The following GGPS1 variants were observed in gnomAD, a reference collection of about 807,000 sequenced individuals.
GGPS1 encodes geranylgeranyl diphosphate synthase 1, also known as geranylgeranyl pyrophosphate synthase.
In GGPS1, 15 loss-of-function variants were observed where a neutral mutation model predicts 28.1. That is an observed-to-expected ratio of 0.53 (90% CI 0.36 to 0.82). The LOEUF (loss-of-function observed/expected upper bound fraction) is 0.82, where lower values mean the gene tolerates loss of function less well. GGPS1 is among the 40% of genes least tolerant of loss of function. The probability of loss-of-function intolerance (pLI) is 0.01; values close to 1 mark genes in which losing one functional copy is unlikely to be tolerated. For missense variants in GGPS1, 284 were observed against 348.3 expected, an observed-to-expected ratio of 0.82 and a Z score of 1.47; for synonymous variants, 138 against 122.4, an observed-to-expected ratio of 1.13 and a Z score of -0.84.
intron 1 of GGPS1, among the ~76,000 whole-genome samples, chr1:235,333,329 G>A (rs1265928070): frequency 6.6e-6 from 1 of 152,006 alleles, no homozygotes; most frequent in Non-Finnish European, 1.5e-5. Context: ...CACTTTGGGA[G>A]GCTGAGGCGG....
rs1351445816 is a variant in GGPS1 at position 235,342,546 on chromosome 1, A to C, written c.677A>C (p.Glu226Ala). The C allele has an allele frequency of 1.2e-6, 2 of 1,612,662 alleles. No individual in the cohort carries two copies. Among genetic ancestry groups the C allele is most frequent in the African/African-American group, 2.7e-5 (2 of 75,044 alleles). The change falls in exon 4 of 4, where the codon GAA becomes GCA. Residue 226 changes from glutamate to alanine, a missense_variant. Physicochemically the swap from Glu to Ala is moderately radical, Grantham distance 107 (BLOSUM62 -1). Transcript: ENST00000282841. ...ATTCATGCTATTTGGTCAAGGCCTG[A>C]AAGCACCCAGGTGCAGAATATCTTG... ...PTIHAIWSRP[E>A]STQVQNILRQ... is the part of the protein sequence containing the mutation.
chr1:235,339,983 T>G (rs1675983156), intron 2 of GGPS1, among the ~76,000 whole-genome samples: 1 of 151,756 alleles, frequency 6.6e-6, no homozygotes, highest in African/African-American at 2.4e-5. Context: ...CTATCTTAAA[T>G]TAGCCACGCA....
rs1676130713 is a variant in GGPS1, at chr1:235,343,875, T to C, written c.*1103T>C. ...TCTTAAAAGGGTTGTTTTCTTACCT[T>C]AAGTACAAAAGCATGGAAAAATGCG... is the stretch of plus-strand genomic sequence containing the variant. On this transcript the variant is annotated 3_prime_UTR_variant, in exon 4 of 4. Transcript: ENST00000282841. 1 of 166,908 alleles carries C rather than the reference T, an allele frequency of 6.0e-6. No individual in the cohort carries two copies. Among genetic ancestry groups the C allele is most frequent in the African/African-American group, 2.4e-5 (1 of 41,370 alleles). 10.3% of individuals were successfully genotyped at this position (166,908 alleles called of 1,614,324 possible).
intron 1 of GGPS1, among the ~76,000 whole-genome samples, chr1:235,331,997 A>T (rs191123822): frequency 6.6e-6 from 1 of 152,346 alleles, no homozygotes; most frequent in East Asian, 1.9e-4. Context: ...CAGCACTTCT[A>T]CACTCGTAAT....
intron 2 of GGPS1, among the ~76,000 whole-genome samples, chr1:235,336,066 G>A (rs988978365): frequency 5.9e-5 from 9 of 152,172 alleles, no homozygotes; most frequent in African/African-American, 1.9e-4. Context: ...TCACGTGTAC[G>A]TGTGTGTTTT....
chr1:235,332,266 A>G (rs1297617654), intron 1 of GGPS1, among the ~76,000 whole-genome samples: 1 of 152,118 alleles, frequency 6.6e-6, no homozygotes, highest in Non-Finnish European at 1.5e-5. Context: ...ATCATTCCAC[A>G]CTCCATGTCC....
chr1:235,331,528 T>G (rs1257232213), intron 1 of GGPS1, among the ~76,000 whole-genome samples: 5 of 152,168 alleles, frequency 3.3e-5, no homozygotes, highest in Non-Finnish European at 1.5e-5. Context: ...CTGAGGTACG[T>G]GTAAACATTC....
At chr1:235,339,337 G>A (rs780590533) in intron 2 of GGPS1, among the ~76,000 whole-genome samples, 8 of 151,836 alleles carry the variant, frequency 5.3e-5, no homozygotes, top group Non-Finnish European at 1.0e-4. Context: ...GCGTAGTGAC[G>A]CACACCTGTA....
intron 1 of GGPS1, among the ~76,000 whole-genome samples, chr1:235,332,474 A>G (rs1675745957): frequency 6.6e-6 from 1 of 152,168 alleles, no homozygotes; most frequent in African/African-American, 2.4e-5. Context: ...CTGCTGATGG[A>G]CACTTAGGTT....
Position 235,343,184 on chromosome 1 carries a change from C to T in GGPS1, c.*412C>T, listed in dbSNP as rs1434084114. ...TAGCTGGACCAAAGACCACAAATCT[C>T]TTTTTTTCCTAAACGCTGCTGTAAG... On this transcript the variant is annotated 3_prime_UTR_variant, in exon 4 of 4. Coordinates refer to ENST00000282841, the MANE Select transcript of GGPS1 (RefSeq NM_004837.4). The T allele has an allele frequency of 1.8e-5, 3 of 168,862 alleles. No homozygotes were observed. Among genetic ancestry groups the T allele is most frequent in the African/African-American group, 7.2e-5 (3 of 41,488 alleles). The allele number at this position is 168,862 out of a possible 1,614,324, so 10.5% of individuals were successfully genotyped here. A position where few individuals can be genotyped will look rare whatever the true frequency, so the allele number is the denominator to read the frequency against.
chr1:235,332,357 G>A (rs911492539), intron 1 of GGPS1, among the ~76,000 whole-genome samples: 1 of 152,164 alleles, frequency 6.6e-6, no homozygotes. Context: ...TTACACTTAA[G>A]GTAAGGGCTA....
Position 235,342,826 on chromosome 1 carries a change from T to G in GGPS1, c.*54T>G, listed in dbSNP as rs1572275894. On this transcript the variant is annotated 3_prime_UTR_variant, in exon 4 of 4. Transcript: ENST00000282841. ...AGCTTATTTTAGTTAATCTTTTTTT[T>G]GTCTTTTAGCCTTACCACCTTTTAA... 1 of 1,300,392 alleles carries G rather than the reference T, an allele frequency of 7.7e-7. No homozygotes were observed. The highest frequency in any genetic ancestry group is 2.3e-5 in the East Asian group (1 of 42,988). The allele number at this position is 1,300,392 out of a possible 1,614,324, so 80.6% of individuals were successfully genotyped here.
In GGPS1 at chr1:235,342,138, A is replaced by C. The variant is rs1012843795; in HGVS notation, c.269A>C (p.Asn90Thr). The C allele has an allele frequency of 3.1e-6, 5 of 1,614,078 alleles. No homozygotes were observed. The highest frequency in any genetic ancestry group is 4.2e-6 in the Non-Finnish European group (5 of 1,180,038). Reference protein sequence around the residue: ...HSIYGIPSVINSANYVYFLGL... With the variant: ...HSIYGIPSVITSANYVYFLGL... Reference sequence around the variant, plus strand: ...ATCTATGGAATCCCATCTGTCATCAATTCTGCCAATTACGTGTATTTCCTT... The same window carrying C: ...ATCTATGGAATCCCATCTGTCATCACTTCTGCCAATTACGTGTATTTCCTT... Residue 90 changes from asparagine to threonine, a missense_variant, in exon 4 of 4, where the codon AAT becomes ACT. Transcript: ENST00000282841.
At chr1:235,333,165 G>A (rs1474510807) in intron 1 of GGPS1, among the ~76,000 whole-genome samples, 1 of 150,178 alleles carries the variant, frequency 6.7e-6, no homozygotes, top group Admixed American at 6.6e-5. Flanking sequence ...GTGATACCAT[G>A]TAAGCAACCT....
chr1:235,333,089 AAAGG>A (rs1272887209), intron 1 of GGPS1, among the ~76,000 whole-genome samples: 1 of 150,626 alleles, frequency 6.6e-6, no homozygotes, highest in Non-Finnish European at 1.5e-5. Flanking sequence ...AAAAAAAAAA[AAAGG>A]AACACATCCT....
At chr1:235,333,283 C>G (rs1279781109) in intron 1 of GGPS1, among the ~76,000 whole-genome samples, 1 of 151,852 alleles carries the variant, frequency 6.6e-6, no homozygotes, top group African/African-American at 2.4e-5. Context: ...AAAAAAGGAT[C>G]AGGCCGGGCA....
Position 235,342,540 on chromosome 1 carries a change from G to T in GGPS1, c.671G>T (p.Arg224Met), listed in dbSNP as rs1676081997. ...CCTACTATTCATGCTATTTGGTCAA[G>T]GCCTGAAAGCACCCAGGTGCAGAAT... is the stretch of plus-strand genomic sequence containing the variant. ...SFPTIHAIWSRPESTQVQNIL... is the reference protein window; with the variant it reads ...SFPTIHAIWSMPESTQVQNIL... The change falls in exon 4 of 4, where the codon AGG becomes ATG. Residue 224 changes from arginine to methionine, a missense_variant. Transcript: ENST00000282841. 1 of 1,613,158 alleles carries T rather than the reference G, an allele frequency of 6.2e-7. No homozygotes were observed.
At chr1:235,327,697 C>T (rs1233600266), upstream of GGPS1, 1 of 152,416 alleles carries the variant, frequency 6.6e-6, no homozygotes, top group Non-Finnish European at 1.5e-5. Flanking sequence ...TTCCTCTGCT[C>T]CTTGGCCGGG....
intron 1 of GGPS1, among the ~76,000 whole-genome samples, chr1:235,332,877 G>A (rs542654193): frequency 4.6e-5 from 7 of 151,808 alleles, no homozygotes; most frequent in East Asian, 3.9e-4. Context: ...TTTAGAAATC[G>A]AGGAACACTG....
Sources: gnomAD v4.1 joint callset for allele counts (sites outside exome capture counted in the v4.1 genomes callset) on GRCh38, gnomAD v4.1.1 for gene constraint, MANE v1.5 for transcripts, NCBI Gene and HGNC (gene_info 2026-07-23, HGNC 2026-07-21) for gene names.